The following WASHC4 variants were observed in gnomAD, a reference collection of about 807,000 sequenced individuals.
The protein encoded by WASHC4 is WASH complex subunit 4.
A neutral mutation model predicts 166.6 loss-of-function variants in WASHC4; 86 were observed. That is an observed-to-expected ratio of 0.52 (90% CI 0.43 to 0.62). WASHC4 has a LOEUF of 0.62. Ranked by LOEUF, WASHC4 falls within the 20% of genes least tolerant of loss-of-function variation. WASHC4 has a pLI of 0.00. For synonymous variants in WASHC4, 446 were observed against 451.6 expected (o/e 0.99, Z 0.16); for missense variants, 1,262 against 1,382.4 (o/e 0.91, Z 1.38).
intron 29 of WASHC4, among the ~76,000 whole-genome samples, 188 bp from the exon 30 acceptor site, chr12:105,162,561 T>C (rs1884563074): frequency 6.6e-6 from 1 of 152,212 alleles, no homozygotes; most frequent in African/African-American, 2.4e-5. Flanking sequence ...AAGATACACT[T>C]GTATAGATTG....
At chr12:105,162,991 TCTCG>T (rs2135844344) in intron 30 of WASHC4, 146 bp downstream of exon 30, 2 of 519,986 alleles carry the variant, frequency 3.8e-6, no homozygotes, top group East Asian at 7.2e-5. Flanking sequence ...CAGAGTCTCG[TCTCG>T]CTCTGTTGCC....
At chr12:105,148,569 G>A in intron 24 of WASHC4, 2 of 985,130 alleles carry the variant, frequency 2.0e-6, no homozygotes, top group Non-Finnish European at 2.4e-6. Context: ...TATTAAGAGT[G>A]GAAAGGATTA....
At position 105,107,879 on chromosome 12, in the gene WASHC4, C is replaced by G; in HGVS notation, c.61+18C>G. 2 of 1,537,720 alleles carry G rather than the reference C, an allele frequency of 1.3e-6. No individual in the cohort carries two copies. On this transcript the variant is annotated intron_variant, in intron 1 of 32. Coordinates refer to ENST00000332180, the MANE Select transcript of WASHC4 (RefSeq NM_015275.3). ...CTCGCAGAGTAAGGGAGCTGCAGGG[C>G]GAGGGCTGCGGGTGGACGCTCCTTC...
intron 2 of WASHC4, among the ~76,000 whole-genome samples, chr12:105,112,682 T>C (rs1210964657): frequency 6.6e-6 from 1 of 152,194 alleles, no homozygotes; most frequent in Non-Finnish European, 1.5e-5. Flanking sequence ...TTCATGTGCT[T>C]ATGGCCATGT....
intron 27 of WASHC4, 56 bp downstream of exon 27, chr12:105,156,848 A>G: frequency 8.2e-7 from 1 of 1,217,874 alleles, no homozygotes; most frequent in Non-Finnish European, 1.2e-6. Flanking sequence ...AATTGTGTCC[A>G]TTAAATATAT....
intron 26 of WASHC4, among the ~76,000 whole-genome samples, chr12:105,155,957 A>T (rs969828699): frequency 2.0e-4 from 30 of 152,242 alleles, no homozygotes; most frequent in Non-Finnish European, 3.2e-4. Context: ...GAAAGTAGGG[A>T]AATCAGGAGG....
chr12:105,157,382 C>A, intron 28 of WASHC4, 60 bp downstream of exon 28: 1 of 931,228 alleles, frequency 1.1e-6, no homozygotes, highest in Non-Finnish European at 1.7e-6. Flanking sequence ...GAAGAGAAGA[C>A]CAGAGGGTAA....
At chr12:105,145,105 G>A (rs1883188362) in intron 22 of WASHC4, among the ~76,000 whole-genome samples, 1 of 150,974 alleles carries the variant, frequency 6.6e-6, no homozygotes, top group Admixed American at 6.6e-5. Context: ...TTGAGCATTC[G>A]AGATATACAT....
Position 105,144,373 on chromosome 12 carries a change from T to C in WASHC4, c.2097T>C (p.Pro699=). ...HTHLKLDDRN[P]FKVGMKDLAL... ...ATTTAAAGCTGGATGACCGAAACCC[T>C]TTCAAAGTTGGCATGAAAGACCTGG... The change falls in exon 21 of 33, where the codon CCT becomes CCC. Residue 699 remains proline (P), a synonymous_variant. Transcript: ENST00000332180. The C allele has an allele frequency of 1.9e-6, 3 of 1,613,556 alleles. No homozygotes were observed. Among genetic ancestry groups the C allele is most frequent in the South Asian group, 1.1e-5 (1 of 91,060 alleles).
intron 26 of WASHC4, among the ~76,000 whole-genome samples, chr12:105,154,252 A>G (rs1353728742): frequency 6.6e-6 from 1 of 152,032 alleles, no homozygotes; most frequent in Non-Finnish European, 1.5e-5. Context: ...GGTGGTCTCG[A>G]TCTCCTGACC....
intron 22 of WASHC4, among the ~76,000 whole-genome samples, chr12:105,146,234 C>G (rs11112388): frequency 5.3e-5 from 8 of 151,858 alleles, no homozygotes; most frequent in Non-Finnish European, 1.2e-4. Context: ...CTTAACTGTT[C>G]CTGTCTGCAC....
chr12:105,146,683 GTGTATCTTTTATTCGAAATGTTTAGGACA>G (rs1256648050), intron 23 of WASHC4, among the ~76,000 whole-genome samples, 157 bp downstream of exon 23: 1 of 151,962 alleles, frequency 6.6e-6, no homozygotes, highest in African/African-American at 2.4e-5. Context: ...TATACCAGTT[GTGTATCTTTTATTCGAAATGTTTAGGACA>G]AGAAGTGTTT....
Position 105,107,847 on chromosome 12 carries a change from A to G in WASHC4, c.47A>G (p.Asp16Gly). 6.4e-7 allele frequency: 1 copy of G among 1,550,646 alleles called. No individual in the cohort carries two copies. The highest frequency in any genetic ancestry group is 1.2e-5 in the South Asian group (1 of 84,048). Residue 16 changes from aspartate to glycine, a missense_variant, in exon 1 of 33, where the codon GAC (aspartate) becomes GGC (glycine). Transcript: ENST00000332180. ...LSPDWEFDRV[D>G]DGSQKIHAEV... Reference sequence around the variant, plus strand: ...CCGGACTGGGAGTTTGACCGCGTTGACGACGGCTCGCAGAGTAAGGGAGCT... The same window carrying G: ...CCGGACTGGGAGTTTGACCGCGTTGGCGACGGCTCGCAGAGTAAGGGAGCT...
intron 1 of WASHC4, among the ~76,000 whole-genome samples, chr12:105,108,866 T>G (rs1009715279): frequency 3.9e-5 from 6 of 152,190 alleles, no homozygotes; most frequent in African/African-American, 1.4e-4. Flanking sequence ...TTTACAAGTC[T>G]CTCAGAGAAG....
At position 105,164,190 on chromosome 12, in the gene WASHC4, A is replaced by G; in HGVS notation, c.3237A>G (p.Lys1079=). ...ACTGGTTCCAGTCTGTTAGAGAGAA[A>G]TACCTGAAGGAGATAAGAGCAGTTG... The part of the protein sequence containing the change: ...SLHWFQSVRE[K]YLKEIRAVAK... Residue 1079 remains lysine, a synonymous_variant, in exon 31 of 33, where the codon AAA becomes AAG. Coordinates refer to ENST00000332180, the MANE Select transcript of WASHC4 (RefSeq NM_015275.3). 6.2e-7 allele frequency: 1 copy of G among 1,614,136 alleles called. No homozygotes were observed. Among genetic ancestry groups the G allele is most frequent in the Middle Eastern group, 1.7e-4 (1 of 6,060 alleles).
At chr12:105,115,151 T>C in intron 4 of WASHC4, 33 bp from the exon 5 acceptor site, 1 of 1,201,346 alleles carries the variant, frequency 8.3e-7, no homozygotes, top group South Asian at 1.2e-5. Flanking sequence ...AAAACAACCT[T>C]TAAAATTATT....
intron 13 of WASHC4, among the ~76,000 whole-genome samples, chr12:105,130,943 C>T (rs1881744686): frequency 6.6e-6 from 1 of 152,110 alleles, no homozygotes; most frequent in African/African-American, 2.4e-5. Flanking sequence ...GTTTTTTTAC[C>T]TTGGTATTTT....
intron 4 of WASHC4, 37 bp from the exon 5 acceptor site, chr12:105,115,147 A>T (rs1399950689): frequency 2.6e-6 from 3 of 1,136,614 alleles, no homozygotes; most frequent in Non-Finnish European, 4.0e-6. Context: ...AAACAAAACA[A>T]CCTTTAAAAT....
At chr12:105,135,637 C>G (rs372657624) in intron 14 of WASHC4, among the ~76,000 whole-genome samples, 1 of 152,036 alleles carries the variant, frequency 6.6e-6, no homozygotes, top group African/African-American at 2.4e-5. Context: ...ATTAACTCTT[C>G]GAGCATTATT....
Sources: gnomAD v4.1 joint callset for allele counts (sites outside exome capture counted in the v4.1 genomes callset) on GRCh38, gnomAD v4.1.1 for gene constraint, MANE v1.5 for transcripts, NCBI Gene and HGNC (gene_info 2026-07-23, HGNC 2026-07-21) for gene names.